OSBPL1A: variants seen among roughly 807,000 people sequenced by gnomAD.
OSBPL1A encodes the protein oxysterol-binding protein-related protein 1.
A neutral mutation model predicts 137.1 loss-of-function variants in OSBPL1A; 80 were observed. The ratio of observed to expected loss-of-function variants is 0.58; its 90% CI spans 0.49 to 0.70. The LOEUF (loss-of-function observed/expected upper bound fraction) is 0.70, where lower values mean the gene tolerates loss of function less well. Among genes scored for constraint, OSBPL1A ranks in the 30% least tolerant of loss-of-function variants. The pLI is 0.00. For missense variants in OSBPL1A, 970 were observed against 1,129.4 expected, an observed-to-expected ratio of 0.86 and a Z score of 2.02; for synonymous variants, 365 against 389.7, an observed-to-expected ratio of 0.94 and a Z score of 0.75.
Position 24,226,601 on chromosome 18 carries a change from G to A in OSBPL1A, c.1445-1403C>T, listed in dbSNP as rs1040466682. Among the ~76,000 whole-genome samples the A allele has an allele frequency of 3.9e-5, 6 of 152,090 alleles. No individual in the cohort carries two copies. The South Asian group carries it at 8.3e-4, about 21-fold the overall frequency. On this transcript the variant is annotated intron_variant, in intron 16 of 27. Transcript: ENST00000319481. ...GCTAAACTGGTCAGGAAATAACAAC[G>A]TTTTAGTGCTTTCTTTTTCCACTAC... is the stretch of plus-strand genomic sequence containing the variant.
At chr18:24,311,816 CATG>C (rs554926928) in intron 13 of OSBPL1A, among the ~76,000 whole-genome samples, 165 bp downstream of exon 13, 257 of 152,298 alleles carry the variant, frequency 1.7e-3, no homozygotes, top group African/African-American at 5.8e-3. Context: ...ATAGTATTAC[CATG>C]AGAGACATAA....
At chr18:24,165,235 CAA>C in intron 26 of OSBPL1A, 80 bp from the exon 27 acceptor site, 1 of 1,224,866 alleles carries the variant, frequency 8.2e-7, no homozygotes, top group African/African-American at 1.5e-5. Context: ...AAGAACTTCA[CAA>C]AAGAACCATA....
At chr18:24,320,659 GA>G (rs979845384) in intron 7 of OSBPL1A, among the ~76,000 whole-genome samples, 3 of 152,146 alleles carry the variant, frequency 2.0e-5, no homozygotes, top group African/African-American at 7.2e-5. Context: ...TAAATAGGAT[GA>G]AAAGCCACTG....
intron 18 of OSBPL1A, among the ~76,000 whole-genome samples, chr18:24,193,312 C>A (rs2086940512): frequency 6.6e-6 from 1 of 151,948 alleles, no homozygotes; most frequent in Non-Finnish European, 1.5e-5. Flanking sequence ...CATGGTGAAA[C>A]CCCATCTCTG....
intron 2 of OSBPL1A, among the ~76,000 whole-genome samples, chr18:24,373,332 T>C (rs1049877128): frequency 2.0e-5 from 3 of 152,248 alleles, no homozygotes; most frequent in Admixed American, 6.5e-5. Flanking sequence ...CTACACAGAA[T>C]TGTGTGTTGA....
chr18:24,210,635 G>T (rs2087511578), intron 17 of OSBPL1A, among the ~76,000 whole-genome samples: 1 of 151,562 alleles, frequency 6.6e-6, no homozygotes, highest in East Asian at 1.9e-4. Context: ...CCCAGGCTCA[G>T]GCAATCCTCC....
Position 24,162,589 on chromosome 18 carries a change from C to A in OSBPL1A, c.*590G>T, listed in dbSNP as rs1347615258. 3 of 152,220 alleles carry A rather than the reference C, an allele frequency of 2.0e-5. No homozygotes were observed. The highest frequency in any genetic ancestry group is 7.2e-5 in the African/African-American group (3 of 41,536). The allele number at this position is 152,220 out of a possible 1,614,324, so 9.4% of individuals were successfully genotyped here. A position where few individuals can be genotyped will look rare whatever the true frequency, so the allele number is the denominator to read the frequency against. The stretch of plus-strand genomic sequence containing the variant: ...TTCCAGTTTAATTCTTTAGAATTTT[C>A]AAATCAGAAATATCTATTCTGAATA... On this transcript the variant is annotated 3_prime_UTR_variant, in exon 28 of 28. Transcript: ENST00000319481.
At chr18:24,350,208 T>C (rs557795337) in intron 4 of OSBPL1A, among the ~76,000 whole-genome samples, 1 of 152,198 alleles carries the variant, frequency 6.6e-6, no homozygotes, top group Non-Finnish European at 1.5e-5. Flanking sequence ...GGGAATCTTC[T>C]AGAAGGGGCA....
intron 15 of OSBPL1A, among the ~76,000 whole-genome samples, chr18:24,252,087 C>A (rs539422811): frequency 3.6e-4 from 55 of 152,074 alleles, no homozygotes; most frequent in Admixed American, 2.4e-3. Flanking sequence ...GAAACAGCCT[C>A]AAAAGGGAAA....
chr18:24,359,330 C>T (rs2091587218), intron 4 of OSBPL1A, among the ~76,000 whole-genome samples: 1 of 152,128 alleles, frequency 6.6e-6, no homozygotes, highest in African/African-American at 2.4e-5. Context: ...TCAAGCGATC[C>T]TCCTGCCTTC....
intron 16 of OSBPL1A, among the ~76,000 whole-genome samples, chr18:24,236,708 G>A (rs765191041): frequency 5.9e-5 from 9 of 152,136 alleles, no homozygotes; most frequent in Admixed American, 2.6e-4. Context: ...GATGAGCCTA[G>A]GCGTTTGGAC....
chr18:24,249,716 C>G (rs2089014697), intron 15 of OSBPL1A, among the ~76,000 whole-genome samples: 1 of 152,182 alleles, frequency 6.6e-6, no homozygotes, highest in South Asian at 2.1e-4. Context: ...TTTGGACCAG[C>G]CCTAGCCAGA....
Position 24,217,333 on chromosome 18 carries a change from T to A in OSBPL1A, c.1601+7709A>T, listed in dbSNP as rs139468824. ...AGTGCAGTGGTGTGATCTCAGCTCA[T>A]AGCAACCTCCACTTCCCGAGTTTAA... On this transcript the variant is annotated intron_variant, in intron 17 of 27. Transcript: ENST00000319481. Among the ~76,000 whole-genome samples, 14 of 149,464 alleles carry A rather than the reference T, an allele frequency of 9.4e-5. No individual in the cohort carries two copies. In the South Asian group the frequency reaches 2.4e-3, roughly 25 times the overall value.
intron 11 of OSBPL1A, among the ~76,000 whole-genome samples, chr18:24,316,640 A>G (rs1317238991): frequency 2.6e-5 from 4 of 152,340 alleles, no homozygotes; most frequent in African/African-American, 9.6e-5. Flanking sequence ...TCAATAACAG[A>G]GAAGGAAATG....
At chr18:24,301,024 C>A (rs1057087164) in intron 14 of OSBPL1A, among the ~76,000 whole-genome samples, 1 of 152,114 alleles carries the variant, frequency 6.6e-6, no homozygotes, top group African/African-American at 2.4e-5. Context: ...AAGCACATGG[C>A]AGGTAAAAGA....
chr18:24,201,485 C>T (rs940773195), intron 17 of OSBPL1A, among the ~76,000 whole-genome samples: 10 of 152,072 alleles, frequency 6.6e-5, no homozygotes, highest in East Asian at 1.9e-4. Flanking sequence ...TATTTGGGCC[C>T]GGCACAGTGG....
intron 17 of OSBPL1A, among the ~76,000 whole-genome samples, chr18:24,216,348 T>C (rs1448843548): frequency 6.6e-6 from 1 of 152,052 alleles, no homozygotes; most frequent in Admixed American, 6.5e-5. Flanking sequence ...TGTACTAAAA[T>C]ACAAAAAAAT....
intron 16 of OSBPL1A, among the ~76,000 whole-genome samples, chr18:24,230,267 G>A (rs920069537): frequency 6.6e-6 from 1 of 152,182 alleles, no homozygotes; most frequent in Non-Finnish European, 1.5e-5. Flanking sequence ...GAGGAATGGG[G>A]AGTTGGTAGT....
At chr18:24,173,560 G>A (rs542481921) in intron 21 of OSBPL1A, among the ~76,000 whole-genome samples, 216 of 152,086 alleles carry the variant, frequency 1.4e-3, no homozygotes, top group African/African-American at 4.9e-3. Flanking sequence ...CTACAGGCAC[G>A]TGCCACCATG....
Sources: gnomAD v4.1 joint callset for allele counts (sites outside exome capture counted in the v4.1 genomes callset) on GRCh38, gnomAD v4.1.1 for gene constraint, MANE v1.5 for transcripts, NCBI Gene and HGNC (gene_info 2026-07-23, HGNC 2026-07-21) for gene names.